Variants in FAM114A2 observed in about 807,000 individuals in gnomAD.
FAM114A2 encodes the protein protein FAM114A2.
In FAM114A2, 53 loss-of-function variants were observed where a neutral mutation model predicts 58.4. The observed-to-expected ratio is 0.91, with a 90% CI of 0.73 to 1.14. The LOEUF (loss-of-function observed/expected upper bound fraction) is 1.14, where lower values mean the gene tolerates loss of function less well. FAM114A2 is among the 50% of genes most tolerant of loss of function. The pLI, the probability that FAM114A2 is intolerant of heterozygous loss-of-function variation, is 0.00. For missense variants in FAM114A2, 601 were observed against 581.1 expected (o/e 1.03, Z -0.35); for synonymous variants, 228 against 211.4 (o/e 1.08, Z -0.68).
chr5:154,035,434 A>C (rs1363902245), intron 1 of FAM114A2, among the ~76,000 whole-genome samples: 2 of 152,130 alleles, frequency 1.3e-5, no homozygotes, highest in African/African-American at 4.8e-5. Context: ...ATGTTATATA[A>C]ATGAAATCAT....
chr5:154,034,007 T>A, intron 3 of FAM114A2, 124 bp from the exon 4 acceptor site: 1 of 687,894 alleles, frequency 1.5e-6, no homozygotes, highest in Non-Finnish European at 2.6e-6. Context: ...AATACATAAC[T>A]AATCTTGGCA....
chr5:154,004,589 T>C (rs930738848), intron 9 of FAM114A2, among the ~76,000 whole-genome samples: 1 of 152,194 alleles, frequency 6.6e-6, no homozygotes, highest in African/African-American at 2.4e-5. Flanking sequence ...TCAACCTCTT[T>C]TATTTCCCAA....
chr5:154,027,361 G>A, intron 6 of FAM114A2, 27 bp from the exon 7 acceptor site: 3 of 1,590,778 alleles, frequency 1.9e-6, no homozygotes, highest in Non-Finnish European at 2.6e-6. Context: ...GCATTACACT[G>A]TAGCAAACAA....
intron 12 of FAM114A2, among the ~76,000 whole-genome samples, chr5:153,997,007 AAAAG>A (rs1769610297): frequency 2.0e-5 from 3 of 151,558 alleles, no homozygotes; most frequent in Non-Finnish European, 2.9e-5. Context: ...AAAAAAAAAA[AAAAG>A]AAAGAAAGAA....
intron 11 of FAM114A2, among the ~76,000 whole-genome samples, chr5:153,999,532 GCGGAGGCA>G (rs1769827627): frequency 6.6e-6 from 1 of 151,784 alleles, no homozygotes; most frequent in Admixed American, 6.6e-5. Flanking sequence ...TACTCAGGAG[GCGGAGGCA>G]GAAGAATCAC....
intron 12 of FAM114A2, among the ~76,000 whole-genome samples, chr5:153,995,686 A>G (rs939641543): frequency 2.0e-5 from 3 of 152,334 alleles, no homozygotes; most frequent in African/African-American, 7.2e-5. Flanking sequence ...TACTTACTAT[A>G]AAGTAATTTT....
At chr5:154,018,911 A>T (rs976120658) in intron 8 of FAM114A2, among the ~76,000 whole-genome samples, 1 of 152,192 alleles carries the variant, frequency 6.6e-6, no homozygotes, top group Non-Finnish European at 1.5e-5. Context: ...ATATACCTCA[A>T]TGTAATAAAA....
intron 8 of FAM114A2, among the ~76,000 whole-genome samples, chr5:154,014,977 G>A (rs1199130537): frequency 1.3e-5 from 2 of 152,192 alleles, no homozygotes; most frequent in Non-Finnish European, 2.9e-5. Context: ...CACAGTGGGA[G>A]TGAGACTGGC....
At chr5:153,994,529 A>G (rs1769435240) in intron 13 of FAM114A2, 1 of 158,780 alleles carries the variant, frequency 6.3e-6, no homozygotes, top group African/African-American at 2.4e-5. Flanking sequence ...AAATGACAAC[A>G]TGTTTTGTTT....
chr5:154,014,791 G>C (rs1291940083), intron 8 of FAM114A2, among the ~76,000 whole-genome samples: 1 of 152,176 alleles, frequency 6.6e-6, no homozygotes, highest in African/African-American at 2.4e-5. Context: ...AACTGATGGA[G>C]AAGTCTCCTG....
At chr5:154,023,646 G>T (rs984257244) in intron 8 of FAM114A2, among the ~76,000 whole-genome samples, 7 of 152,090 alleles carry the variant, frequency 4.6e-5, no homozygotes, top group African/African-American at 1.7e-4. Context: ...AGGGAGTGTG[G>T]TGTATACTGC....
At chr5:154,024,459 T>C (rs534139893) in intron 8 of FAM114A2, among the ~76,000 whole-genome samples, 4 of 152,306 alleles carry the variant, frequency 2.6e-5, no homozygotes, top group African/African-American at 7.2e-5. Flanking sequence ...CAGGGTTGAA[T>C]CTCTTTAATA....
chr5:154,012,309 G>C (rs936870955), intron 8 of FAM114A2, among the ~76,000 whole-genome samples: 18 of 152,252 alleles, frequency 1.2e-4, no homozygotes, highest in Admixed American at 9.2e-4. Context: ...CAAGCAAATG[G>C]GTGACTCAAG....
intron 8 of FAM114A2, among the ~76,000 whole-genome samples, chr5:154,013,782 A>G (rs1770849673): frequency 6.6e-6 from 1 of 152,232 alleles, no homozygotes; most frequent in Non-Finnish European, 1.5e-5. Flanking sequence ...TAAGAAAATC[A>G]AAATTAATTT....
intron 8 of FAM114A2, among the ~76,000 whole-genome samples, chr5:154,025,222 A>C (rs1771698994): frequency 6.6e-6 from 1 of 151,214 alleles, no homozygotes; most frequent in Non-Finnish European, 1.5e-5. Flanking sequence ...TGCATACTTA[A>C]AGGTAAAGAT....
At chr5:154,008,269 GGGA>G (rs941411114) in intron 9 of FAM114A2, among the ~76,000 whole-genome samples, 4 of 152,046 alleles carry the variant, frequency 2.6e-5, no homozygotes, top group African/African-American at 9.7e-5. Flanking sequence ...GAAGGGGAGT[GGGA>G]TGGAGAGACC....
Position 153,990,772 on chromosome 5 carries a change from A to C in FAM114A2, c.*2204T>G, listed in dbSNP as rs187945420. The C allele has an allele frequency of 2.5e-4, 38 of 152,306 alleles. No homozygotes were observed. Among genetic ancestry groups the C allele is most frequent in the Non-Finnish European group, 5.9e-5 (4 of 68,020 alleles). The allele number at this position is 152,306 out of a possible 1,614,324, so 9.4% of individuals were successfully genotyped here. A position where few individuals can be genotyped will look rare whatever the true frequency, so the allele number is the denominator to read the frequency against. ...ATATTAGTAATTAGTGGTAAATCTTAGACACCAAAAATTTAAAAGGAAAAT... is the reference window on the plus strand; with the variant it reads ...ATATTAGTAATTAGTGGTAAATCTTCGACACCAAAAATTTAAAAGGAAAAT... On this transcript the variant is annotated 3_prime_UTR_variant, in exon 14 of 14. Coordinates refer to ENST00000351797, the MANE Select transcript of FAM114A2 (RefSeq NM_018691.4).
intron 12 of FAM114A2, among the ~76,000 whole-genome samples, chr5:153,995,571 G>T (rs575574098): frequency 1.3e-4 from 20 of 152,114 alleles, no homozygotes; most frequent in African/African-American, 4.3e-4. Context: ...TTAGGCCATG[G>T]TCTTAATTAA....
At chr5:154,002,674 C>CA (rs1324680895) in intron 10 of FAM114A2, among the ~76,000 whole-genome samples, 173 bp downstream of exon 10, 1 of 152,150 alleles carries the variant, frequency 6.6e-6, no homozygotes, top group Non-Finnish European at 1.5e-5. Flanking sequence ...TCCTTTCTCT[C>CA]TTTTTTTCTT....
Sources: gnomAD v4.1 joint callset for allele counts (sites outside exome capture counted in the v4.1 genomes callset) on GRCh38, gnomAD v4.1.1 for gene constraint, MANE v1.5 for transcripts, NCBI Gene and HGNC (gene_info 2026-07-23, HGNC 2026-07-21) for gene names.